Variants in MEDAG observed in about 807,000 individuals in gnomAD.
The protein encoded by MEDAG is mesenteric estrogen-dependent adipogenesis protein.
A neutral mutation model predicts 29.9 loss-of-function variants in MEDAG; 25 were observed. The ratio of observed to expected loss-of-function variants is 0.84; its 90% CI spans 0.61 to 1.17. The LOEUF (loss-of-function observed/expected upper bound fraction) is 1.17. Among genes scored for constraint, MEDAG ranks in the 50% most tolerant of loss-of-function variants. The probability of loss-of-function intolerance (pLI) is 0.00; values close to 1 mark genes in which losing one functional copy is unlikely to be tolerated. For synonymous variants in MEDAG, 158 were observed against 148.2 expected (o/e 1.07, Z -0.48); for missense variants, 398 against 372.9 (o/e 1.07, Z -0.56).
chr13:30,906,502 C>T lies in MEDAG; in HGVS notation c.-14C>T. 6.7e-7 allele frequency: 1 copy of T among 1,501,352 alleles called. No homozygotes were observed. Among genetic ancestry groups the T allele is most frequent in the African/African-American group, 1.4e-5 (1 of 69,524 alleles). The allele number at this position is 1,501,352 out of a possible 1,614,324, so 93.0% of individuals were successfully genotyped here. A position where few individuals can be genotyped will look rare whatever the true frequency, so the allele number is the denominator to read the frequency against. ...CGGACGGAAGCAGGCGGTGTGAGGA[C>T]CGACGACGCGGGCATGGCGGGGGCG... On this transcript the variant is annotated 5_prime_UTR_variant, in exon 1 of 5. Coordinates refer to ENST00000380482, the MANE Select transcript of MEDAG (RefSeq NM_032849.4).
At chr13:30,915,308 T>C (rs998072908) in intron 1 of MEDAG, among the ~76,000 whole-genome samples, 1 of 152,174 alleles carries the variant, frequency 6.6e-6, no homozygotes, top group African/African-American at 2.4e-5. Flanking sequence ...GAAATATCTA[T>C]GATATTTGTG....
intron 2 of MEDAG, among the ~76,000 whole-genome samples, chr13:30,918,443 T>G (rs1952950813): frequency 1.3e-5 from 2 of 152,214 alleles, no homozygotes; most frequent in African/African-American, 4.8e-5. Context: ...AAATAGCCAT[T>G]GTGGATGCTT....
chr13:30,915,374 G>T (rs1351483809), intron 1 of MEDAG, among the ~76,000 whole-genome samples: 1 of 152,152 alleles, frequency 6.6e-6, no homozygotes, highest in African/African-American at 2.4e-5. Context: ...GAGCACAGGG[G>T]CGCCCTGCAC....
At chr13:30,922,791 G>A (rs74043597) in intron 4 of MEDAG, 134 of 152,346 alleles carry the variant, frequency 8.8e-4, no homozygotes, top group African/African-American at 3.0e-3. Context: ...ACTTCCCTGA[G>A]TCAGGACTCT....
chr13:30,906,594 A>G lies in MEDAG; in HGVS notation c.79A>G (p.Thr27Ala). Residue 27 changes from threonine to alanine, a missense_variant, in exon 1 of 5, where the codon ACC becomes GCC. By Grantham distance (58) the Thr-to-Ala change is moderately conservative. Coordinates refer to ENST00000380482, the MANE Select transcript of MEDAG (RefSeq NM_032849.4). ...GTCTGGGGAGCTTCGCAGCCTGTGG[A>G]CCTGCGACTGCGAGCTGGCCCTGCT... Reference protein sequence around the residue: ...ISSGELRSLWTCDCELALLPL... With the variant: ...ISSGELRSLWACDCELALLPL... 2 of 1,587,438 alleles carry G rather than the reference A, an allele frequency of 1.3e-6. No individual in the cohort carries two copies. Among genetic ancestry groups the G allele is most frequent in the Non-Finnish European group, 1.7e-6 (2 of 1,175,586 alleles).
At chr13:30,917,271 C>T in intron 1 of MEDAG, 132 bp from the exon 2 acceptor site, 1 of 684,724 alleles carries the variant, frequency 1.5e-6, no homozygotes, top group Non-Finnish European at 2.6e-6. Context: ...ATATGGTGAC[C>T]TCTGTAAGGA....
intron 1 of MEDAG, among the ~76,000 whole-genome samples, chr13:30,912,362 A>G (rs764911204): frequency 1.3e-5 from 2 of 152,204 alleles, no homozygotes; most frequent in Admixed American, 6.5e-5. Context: ...GCTTCCCCCA[A>G]GAGTAAAATG....
In MEDAG at chr13:30,906,313, G is replaced by C. The variant is rs1224308202; in HGVS notation, c.-203G>C. On this transcript the variant is annotated 5_prime_UTR_variant, in exon 1 of 5. Transcript: ENST00000380482. The stretch of plus-strand genomic sequence containing the variant: ...CCTGCAGGGCTCCCAGCGAGTGGCA[G>C]CTTGGGAGGGGCCGCCCGGGCGGTC... 3 of 437,590 alleles carry C rather than the reference G, an allele frequency of 6.9e-6. 1 individual carries two copies. The East Asian group carries it at 1.1e-4, about 16-fold the overall frequency. 27.1% of individuals were successfully genotyped at this position (437,590 alleles called of 1,614,324 possible).
chr13:30,919,698 C>T (rs527356880), intron 2 of MEDAG, among the ~76,000 whole-genome samples: 2 of 152,030 alleles, frequency 1.3e-5, no homozygotes, highest in African/African-American at 2.4e-5. Flanking sequence ...GTTGGTGGAC[C>T]GAAGGTTTGT....
In MEDAG at chr13:30,924,691, G is replaced by A. The variant is rs1482268400; in HGVS notation, c.*256G>A. ...TGGTCCCATGGCACTGGGTGGGGCT[G>A]GGGGATATTCTCTACTTTGAACACT... On this transcript the variant is annotated 3_prime_UTR_variant, in exon 5 of 5. Coordinates refer to ENST00000380482, the MANE Select transcript of MEDAG (RefSeq NM_032849.4). 1 of 336,536 alleles carries A rather than the reference G, an allele frequency of 3.0e-6. No homozygotes were observed. Among genetic ancestry groups the A allele is most frequent in the African/African-American group, 2.1e-5 (1 of 47,280 alleles). 20.8% of individuals were successfully genotyped at this position (336,536 alleles called of 1,614,324 possible).
intron 1 of MEDAG, among the ~76,000 whole-genome samples, chr13:30,910,951 AC>A (rs1174469420): frequency 6.6e-6 from 1 of 152,208 alleles, no homozygotes; most frequent in African/African-American, 2.4e-5. Flanking sequence ...AGATGTAGCA[AC>A]CTGCTTAGGA....
intron 1 of MEDAG, among the ~76,000 whole-genome samples, chr13:30,913,010 G>A (rs1952895687): frequency 6.6e-6 from 1 of 152,166 alleles, no homozygotes; most frequent in South Asian, 2.1e-4. Context: ...TCATCATGAG[G>A]GAAAAAATAC....
chr13:30,914,011 C>T (rs1952904508), intron 1 of MEDAG, among the ~76,000 whole-genome samples: 1 of 151,296 alleles, frequency 6.6e-6, no homozygotes, highest in Non-Finnish European at 1.5e-5. Context: ...CAGTGCACTA[C>T]AGCCTGGGTG....
chr13:30,924,494 TG>T lies in MEDAG; in HGVS notation c.*65del, dbSNP rs1195770431. ...TCCAGGCCTGTGCTAGACTATAGGCTGGGGGGAGGGTAGGAGGTGGGAGGCA... is the reference window on the plus strand; with the variant it reads ...TCCAGGCCTGTGCTAGACTATAGGCTGGGGGAGGGTAGGAGGTGGGAGGCA... On this transcript the variant is annotated 3_prime_UTR_variant, in exon 5 of 5. Coordinates refer to ENST00000380482, the MANE Select transcript of MEDAG (RefSeq NM_032849.4). The T allele has an allele frequency of 2.5e-5, 39 of 1,540,354 alleles. No homozygotes were observed. The highest frequency in any genetic ancestry group is 3.1e-5 in the Non-Finnish European group (35 of 1,139,516).
Position 30,924,292 on chromosome 13 carries a change from T to C in MEDAG, c.788-19T>C, listed in dbSNP as rs376363416. ...TTTCAGTGATGGTAATAATGCATGC[T>C]TTGTTTACTGTTTTTTAGGTTCAAT... On this transcript the variant is annotated intron_variant, in intron 4 of 4. Coordinates refer to ENST00000380482, the MANE Select transcript of MEDAG (RefSeq NM_032849.4). 3.7e-6 allele frequency: 6 copies of C among 1,605,298 alleles called. No individual in the cohort carries two copies. Among genetic ancestry groups the C allele is most frequent in the Non-Finnish European group, 5.1e-6 (6 of 1,175,366 alleles).
In MEDAG at chr13:30,906,344, G is replaced by A. The variant is rs1952828086; in HGVS notation, c.-172G>A. 1 of 596,656 alleles carries A rather than the reference G, an allele frequency of 1.7e-6. No individual in the cohort carries two copies. The highest frequency in any genetic ancestry group is 1.9e-5 in the African/African-American group (1 of 51,700). 37.0% of individuals were successfully genotyped at this position (596,656 alleles called of 1,614,324 possible). A position where few individuals can be genotyped will look rare whatever the true frequency, so the allele number is the denominator to read the frequency against. ...GAGGGGCCGCCCGGGCGGTCAGACT[G>A]GCACCTGAGCGGCCACCGCGTCCCG... On this transcript the variant is annotated 5_prime_UTR_variant, in exon 1 of 5. Coordinates refer to ENST00000380482, the MANE Select transcript of MEDAG (RefSeq NM_032849.4).
At chr13:30,915,896 A>T in intron 1 of MEDAG, 1 of 152,520 alleles carries the variant, frequency 6.6e-6, no homozygotes, top group Non-Finnish European at 1.5e-5. Flanking sequence ...GTGAGCATCA[A>T]CATCCACACC....
chr13:30,910,712 C>T (rs780615349), intron 1 of MEDAG, among the ~76,000 whole-genome samples: 4 of 152,212 alleles, frequency 2.6e-5, no homozygotes, highest in Admixed American at 6.5e-5. Flanking sequence ...GTGACCTGCT[C>T]CTGGATGGGT....
rs531951017 is a variant in MEDAG, at chr13:30,924,675, G to A, written c.*240G>A. 2 of 374,572 alleles carry A rather than the reference G, an allele frequency of 5.3e-6. No individual in the cohort carries two copies. Among genetic ancestry groups the A allele is most frequent in the African/African-American group, 2.1e-5 (1 of 48,344 alleles). 23.2% of individuals were successfully genotyped at this position (374,572 alleles called of 1,614,324 possible). Reference sequence around the variant, plus strand: ...CAGGATGGAAAGGCCTTGGTCCCATGGCACTGGGTGGGGCTGGGGGATATT... The same window carrying A: ...CAGGATGGAAAGGCCTTGGTCCCATAGCACTGGGTGGGGCTGGGGGATATT... On this transcript the variant is annotated 3_prime_UTR_variant, in exon 5 of 5. Transcript: ENST00000380482.
Sources: allele counts gnomAD v4.1 joint callset (sites outside exome capture counted in the v4.1 genomes callset), GRCh38; gene constraint gnomAD v4.1.1; transcripts MANE v1.5; gene names NCBI Gene and HGNC (gene_info 2026-07-23, HGNC 2026-07-21).